CD6: variants seen among roughly 807,000 people sequenced by gnomAD.
CD6 encodes the protein T-cell differentiation antigen CD6.
In CD6, 53 loss-of-function variants were observed where a neutral mutation model predicts 75.3. That is an observed-to-expected ratio of 0.70 (90% confidence interval 0.56 to 0.88). The LOEUF (loss-of-function observed/expected upper bound fraction) is 0.88, where lower values mean the gene tolerates loss of function less well. Among genes scored for constraint, CD6 ranks in the 40% least tolerant of loss-of-function variants. The pLI is 0.00. For missense variants in CD6, 770 were observed against 897.1 expected (o/e 0.86, Z 1.81); for synonymous variants, 359 against 381.5 (o/e 0.94, Z 0.69).
rs1203486539 is a variant in CD6, at chr11:61,019,476, G to A, written c.*158G>A. 5.8e-5 allele frequency: 30 copies of A among 515,080 alleles called. No individual in the cohort carries two copies. The highest frequency in any genetic ancestry group is 6.4e-5 in the East Asian group (2 of 31,152). The allele number at this position is 515,080 out of a possible 1,614,324, so 31.9% of individuals were successfully genotyped here. ...GGAAACGTTATACCTTGTACCCCTC[G>A]GTCTCCATCCATCAAGCCAAACCTG... is the stretch of plus-strand genomic sequence containing the variant. On this transcript the variant is annotated 3_prime_UTR_variant, in exon 13 of 13. Transcript: ENST00000313421.
At chr11:61,005,806 C>G (rs1164468884) in intron 1 of CD6, among the ~76,000 whole-genome samples, 1 of 152,092 alleles carries the variant, frequency 6.6e-6, no homozygotes, top group African/African-American at 2.4e-5. Context: ...TGGCGCATGC[C>G]TGTAATCCCA....
chr11:60,972,778 G>C (rs1857234502), intron 1 of CD6, among the ~76,000 whole-genome samples: 2 of 152,288 alleles, frequency 1.3e-5, no homozygotes, highest in East Asian at 3.9e-4. Context: ...GGAGACCCAG[G>C]AAGACCCAGT....
intron 1 of CD6, among the ~76,000 whole-genome samples, chr11:60,988,738 G>A (rs1426388241): frequency 2.0e-5 from 3 of 152,182 alleles, no homozygotes; most frequent in African/African-American, 4.8e-5. Flanking sequence ...ACCCTGGAAA[G>A]GTCTCAGCAT....
At position 61,020,226 on chromosome 11, in the gene CD6, G is replaced by T. The variant is rs1221870133; in HGVS notation, c.*908G>T. 2 of 398,764 alleles carry T rather than the reference G, an allele frequency of 5.0e-6. No homozygotes were observed. The highest frequency in any genetic ancestry group is 8.8e-6 in the Non-Finnish European group (2 of 226,082). 24.7% of individuals were successfully genotyped at this position (398,764 alleles called of 1,614,324 possible). Reference sequence around the variant, plus strand: ...CCATGTGTCTCCTTGAATTGATGAGGATGCTCCTGGGAGGGATGCGTGACT... The same window carrying T: ...CCATGTGTCTCCTTGAATTGATGAGTATGCTCCTGGGAGGGATGCGTGACT... On this transcript the variant is annotated 3_prime_UTR_variant, in exon 13 of 13. Transcript: ENST00000313421.
At chr11:61,002,099 T>C (rs1858611171) in intron 1 of CD6, among the ~76,000 whole-genome samples, 1 of 152,256 alleles carries the variant, frequency 6.6e-6, no homozygotes, top group Non-Finnish European at 1.5e-5. Flanking sequence ...ATCTTGCTTT[T>C]CCTACTCAAC....
intron 1 of CD6, among the ~76,000 whole-genome samples, chr11:61,005,941 A>AAAAAG (rs1554995702): frequency 6.6e-5 from 10 of 151,324 alleles, no homozygotes; most frequent in Non-Finnish European, 1.2e-4. Context: ...CAAAAAAAAA[A>AAAAAG]AAAGAAAGAA....
Position 60,971,803 on chromosome 11 carries a change from C to T in CD6, c.-63C>T. On this transcript the variant is annotated 5_prime_UTR_variant, in exon 1 of 13. Coordinates refer to ENST00000313421, the MANE Select transcript of CD6 (RefSeq NM_006725.5). ...GGGCGCACAACGGCCGTGTCCACCT[C>T]CCGGCCCCAAGATGGTGCTTCCCAC... 5.7e-6 allele frequency: 9 copies of T among 1,566,702 alleles called. No individual in the cohort carries two copies. The highest frequency in any genetic ancestry group is 7.0e-6 in the Non-Finnish European group (8 of 1,143,554).
intron 8 of CD6, chr11:61,015,485 C>A: frequency 2.0e-6 from 1 of 493,092 alleles, no homozygotes; most frequent in Non-Finnish European, 3.6e-6. Flanking sequence ...GTGGGAGGAT[C>A]GCCTGAGCCC....
intron 1 of CD6, among the ~76,000 whole-genome samples, chr11:60,995,874 A>T (rs957195559): frequency 1.3e-5 from 2 of 152,060 alleles, no homozygotes; most frequent in Non-Finnish European, 2.9e-5. Flanking sequence ...GAGTTGTGTC[A>T]CCATTGCGGG....
chr11:60,992,426 G>C (rs1453599181), intron 1 of CD6, among the ~76,000 whole-genome samples: 1 of 152,064 alleles, frequency 6.6e-6, no homozygotes, highest in Non-Finnish European at 1.5e-5. Context: ...GAGGAAGCTG[G>C]GTTTCTAACC....
chr11:61,007,494 G>C lies in CD6; in HGVS notation c.119-66G>C. On this transcript the variant is annotated intron_variant, in intron 2 of 12. Transcript: ENST00000313421. This position sits in a 1 kb window ranked among gnomAD's most constrained non-coding sequence, Gnocchi z 4.2. ...GTCAAAGTTCACGCACAGAGTCAGT[G>C]GCAGAGCCTGGGCAACCCTCTGCCC... 8.1e-7 allele frequency: 1 copy of C among 1,237,632 alleles called. No individual in the cohort carries two copies. The highest frequency in any genetic ancestry group is 1.1e-6 in the Non-Finnish European group (1 of 941,276). The allele number at this position is 1,237,632 out of a possible 1,614,324, so 76.7% of individuals were successfully genotyped here. A position where few individuals can be genotyped will look rare whatever the true frequency, so the allele number is the denominator to read the frequency against.
At chr11:61,000,477 G>A (rs935766377) in intron 1 of CD6, among the ~76,000 whole-genome samples, 2 of 152,290 alleles carry the variant, frequency 1.3e-5, no homozygotes, top group African/African-American at 2.4e-5. Flanking sequence ...GGATGCAACC[G>A]TGTTTTCCTC....
chr11:61,006,494 G>GC (rs1412860686), intron 1 of CD6, 80 bp from the exon 2 acceptor site: 134 of 1,180,624 alleles, frequency 1.1e-4, no homozygotes, highest in Admixed American at 2.0e-4. Context: ...TCCAGGAAGT[G>GC]CCCCCTGCTC....
chr11:61,007,708 C>A lies in CD6; in HGVS notation c.267C>A (p.Gly89=), dbSNP rs771235467. Residue 89 remains glycine (G), a synonymous_variant, in exon 3 of 13, where the codon GGC becomes GGA. Coordinates refer to ENST00000313421, the MANE Select transcript of CD6 (RefSeq NM_006725.5). The surrounding 1 kb of genome is among the most constrained non-coding windows in gnomAD (Gnocchi z 4.2). ...CCGTGTGCCGAGCACTGGGCTGCGG[C>A]GGGGCGGAGGCCGCCTCTCAGCTCG... ...AEAVCRALGC[G]GAEAASQLAP... 1.4e-6 allele frequency: 2 copies of A among 1,392,058 alleles called. No individual in the cohort carries two copies. Among genetic ancestry groups the A allele is most frequent in the African/African-American group, 3.0e-5 (2 of 65,884 alleles). The allele number at this position is 1,392,058 out of a possible 1,614,324, so 86.2% of individuals were successfully genotyped here.
At chr11:60,999,865 A>G (rs543981058) in intron 1 of CD6, among the ~76,000 whole-genome samples, 19 of 152,048 alleles carry the variant, frequency 1.2e-4, no homozygotes, top group Admixed American at 3.3e-4. Flanking sequence ...TGGCCAACAT[A>G]GTGAAACCCC....
chr11:61,007,555 TC>T lies in CD6; in HGVS notation c.119-3del. The T allele has an allele frequency of 2.0e-6, 3 of 1,486,518 alleles. No individual in the cohort carries two copies. Among genetic ancestry groups the T allele is most frequent in the Non-Finnish European group, 2.7e-6 (3 of 1,117,476 alleles). The allele number at this position is 1,486,518 out of a possible 1,614,324, so 92.1% of individuals were successfully genotyped here. On this transcript the variant is annotated splice_polypyrimidine_tract_variant and splice_region_variant and intron_variant, in intron 2 of 12. Transcript: ENST00000313421. The surrounding 1 kb of genome is among the most constrained non-coding windows in gnomAD (Gnocchi z 4.2). ...GGTCTCAGCTCTCTGGTCTGACACTTCCAGGGGAGCGGCTTCCGGTCCGTCT... is the reference window on the plus strand; with the variant it reads ...GGTCTCAGCTCTCTGGTCTGACACTTCAGGGGAGCGGCTTCCGGTCCGTCT...
In CD6 at chr11:61,017,360, G is replaced by A. The variant is rs548997610; in HGVS notation, c.1511-119G>A. 372 of 716,936 alleles carry A rather than the reference G, an allele frequency of 5.2e-4. 2 individuals are homozygous for A. Among genetic ancestry groups the A allele is most frequent in the African/African-American group, 4.3e-3 (243 of 57,030 alleles). 44.4% of individuals were successfully genotyped at this position (716,936 alleles called of 1,614,324 possible). A position where few individuals can be genotyped will look rare whatever the true frequency, so the allele number is the denominator to read the frequency against. On this transcript the variant is annotated intron_variant, in intron 9 of 12. Coordinates refer to ENST00000313421, the MANE Select transcript of CD6 (RefSeq NM_006725.5). ...GAAATGCTAAGCCCTCTCTGCCTCCGGAGTTGTCCTCCCACCCTATTCAGC... is the reference window on the plus strand; with the variant it reads ...GAAATGCTAAGCCCTCTCTGCCTCCAGAGTTGTCCTCCCACCCTATTCAGC...
chr11:61,010,511 G>A (rs1157408562), intron 5 of CD6, among the ~76,000 whole-genome samples: 1 of 152,200 alleles, frequency 6.6e-6, no homozygotes, highest in Non-Finnish European at 1.5e-5. Context: ...CATGGTATTT[G>A]CATTCTTACG....
chr11:60,977,075 G>C (rs2134995615), intron 1 of CD6, among the ~76,000 whole-genome samples: 1 of 152,294 alleles, frequency 6.6e-6, no homozygotes, highest in Admixed American at 6.5e-5. Context: ...CTCCTAGGGT[G>C]CTGGAGCTCG....
Sources: allele counts gnomAD v4.1 joint callset (sites outside exome capture counted in the v4.1 genomes callset), GRCh38; gene constraint gnomAD v4.1.1; non-coding constraint Gnocchi (gnomAD v3.1); transcripts MANE v1.5; gene names NCBI Gene and HGNC (gene_info 2026-07-23, HGNC 2026-07-21).